WDR27: variants seen among roughly 807,000 people sequenced by gnomAD.
WDR27 encodes WD repeat domain 27.
Under a neutral mutation model 114.4 loss-of-function variants are expected in WDR27, and 100 were observed. The observed-to-expected ratio is 0.87, with a 90% CI of 0.74 to 1.03. WDR27 has a LOEUF of 1.03. WDR27 is among the 50% of genes least tolerant of loss of function. The pLI, the probability that WDR27 is intolerant of heterozygous loss-of-function variation, is 0.00. For synonymous variants in WDR27, 449 were observed against 423.1 expected, an observed-to-expected ratio of 1.06 and a Z score of -0.75; for missense variants, 1,129 against 1,092.9, an observed-to-expected ratio of 1.03 and a Z score of -0.47.
At chr6:169,507,371 T>C (rs1792137088) in intron 25 of WDR27, among the ~76,000 whole-genome samples, 1 of 152,180 alleles carries the variant, frequency 6.6e-6, no homozygotes, top group Admixed American at 6.5e-5. Flanking sequence ...CCACAGTGGT[T>C]CTGGGCACAC....
In WDR27 at chr6:169,684,898, G is replaced by A. The variant is rs1782507966; in HGVS notation, c.189+3919C>T. On this transcript the variant is annotated intron_variant, in intron 2 of 25. Transcript: ENST00000448612. The surrounding 1 kb of genome is among the most constrained non-coding windows in gnomAD (Gnocchi z 4.3). ...TCCTGGCCACAATAACATCCCTGTG[G>A]CCCCAACCCCAGCAAGCCAGACCCC... Among the ~76,000 whole-genome samples, 1 of 152,134 alleles carries A rather than the reference G, an allele frequency of 6.6e-6. No individual in the cohort carries two copies. The highest frequency in any genetic ancestry group is 1.5e-5 in the Non-Finnish European group (1 of 68,028).
intron 25 of WDR27, among the ~76,000 whole-genome samples, chr6:169,503,199 G>C (rs548016417): frequency 6.6e-6 from 1 of 152,318 alleles, no homozygotes; most frequent in South Asian, 2.1e-4. Context: ...CAGGCCTTCA[G>C]AGGACAAGCC....
intron 25 of WDR27, among the ~76,000 whole-genome samples, chr6:169,569,993 C>T (rs1198343978): frequency 6.6e-6 from 1 of 152,184 alleles, no homozygotes; most frequent in African/African-American, 2.4e-5. Context: ...GGACTTAGCC[C>T]TCTTGAGGGC....
chr6:169,667,848 C>T (rs1043529076), intron 5 of WDR27, 134 bp downstream of exon 5: 25 of 837,558 alleles, frequency 3.0e-5, no homozygotes, highest in Middle Eastern at 3.6e-4. Flanking sequence ...GGATAGCGGG[C>T]GCCTTGCAGA....
At chr6:169,435,707 C>A in the WDR27 span, among the ~76,000 whole-genome samples, 2 of 152,216 alleles carry the variant, frequency 1.3e-5, no homozygotes, top group South Asian at 2.1e-4. Flanking sequence ...TTGGAAGTAA[C>A]TAACTTGCTT....
At chr6:169,667,919 G>A (rs1471923134) in intron 5 of WDR27, 63 bp downstream of exon 5, 27 of 1,480,538 alleles carry the variant, frequency 1.8e-5, no homozygotes, top group Non-Finnish European at 2.4e-5. Context: ...CACAGCTCCC[G>A]TCACCACAGT....
intron 25 of WDR27, among the ~76,000 whole-genome samples, chr6:169,489,546 C>T (rs571772473): frequency 6.6e-6 from 1 of 152,042 alleles, no homozygotes; most frequent in Non-Finnish European, 1.5e-5. Context: ...GAAAGAAAGT[C>T]CCATGACATA....
rs141181378 is a variant in WDR27 at position 169,696,499 on chromosome 6, C to T, written c.-8+5052G>A. Among the ~76,000 whole-genome samples, 280 of 152,270 alleles carry T rather than the reference C, an allele frequency of 1.8e-3. 1 individual carries two copies. Among genetic ancestry groups the T allele is most frequent in the African/African-American group, 6.3e-3 (262 of 41,544 alleles). On this transcript the variant is annotated intron_variant, in intron 1 of 25. Coordinates refer to ENST00000448612, the MANE Select transcript of WDR27 (RefSeq NM_182552.5). ...GCCTGCACACATATAAAAAGCTGTC[C>T]GATCAAAACGGGTTTGGTGAAAGGT...
At chr6:169,658,715 G>A (rs1183792096) in intron 12 of WDR27, among the ~76,000 whole-genome samples, 1 of 146,760 alleles carries the variant, frequency 6.8e-6, no homozygotes, top group South Asian at 2.1e-4. Flanking sequence ...ATGGAGTCTC[G>A]CTCTGTCACC....
chr6:169,637,275 C>A (rs1817861090), intron 18 of WDR27, among the ~76,000 whole-genome samples: 1 of 152,198 alleles, frequency 6.6e-6, no homozygotes, highest in African/African-American at 2.4e-5. Flanking sequence ...CACGTAATAG[C>A]CCCTTGGCCA....
At chr6:169,637,824 T>C (rs529791613) in intron 18 of WDR27, among the ~76,000 whole-genome samples, 25 of 150,764 alleles carry the variant, frequency 1.7e-4, no homozygotes, top group African/African-American at 4.4e-4. Context: ...AGTATGTAAG[T>C]GTGCGTATGT....
intron 6 of WDR27, chr6:169,666,667 G>C: frequency 1.0e-6 from 1 of 986,122 alleles, no homozygotes; most frequent in Non-Finnish European, 1.2e-6. Flanking sequence ...CCAACAGAAA[G>C]CCATCTGAGG....
downstream of WDR27, among the ~76,000 whole-genome samples, chr6:169,453,461 G>A (rs1207410179): frequency 6.6e-6 from 1 of 152,032 alleles, no homozygotes; most frequent in East Asian, 1.9e-4. Flanking sequence ...CAAGCCTGCC[G>A]CTCACATGCT....
intron 25 of WDR27, among the ~76,000 whole-genome samples, chr6:169,532,966 A>G (rs1288299889): frequency 6.6e-6 from 1 of 152,184 alleles, no homozygotes; most frequent in African/African-American, 2.4e-5. Context: ...TGGCAAAAAC[A>G]AAAACAAAAA....
At chr6:169,431,966 CT>C in the WDR27 span, among the ~76,000 whole-genome samples, 2 of 152,222 alleles carry the variant, frequency 1.3e-5, no homozygotes, top group African/African-American at 4.8e-5. Context: ...AGCTCAGAGT[CT>C]TTTCTCTTCA....
intron 21 of WDR27, among the ~76,000 whole-genome samples, chr6:169,624,969 G>A (rs1814422139): frequency 1.3e-5 from 2 of 152,216 alleles, no homozygotes; most frequent in South Asian, 4.1e-4. Flanking sequence ...CACCCTCGGG[G>A]CCCGGCCCAT....
chr6:169,473,390 T>C (rs1287892455), intron 25 of WDR27, among the ~76,000 whole-genome samples: 4 of 152,068 alleles, frequency 2.6e-5, no homozygotes, highest in Non-Finnish European at 5.9e-5. Flanking sequence ...TTATGGAAAA[T>C]GGGGCAACAG....
At chr6:169,676,245 C>A (rs1780039184) in intron 2 of WDR27, among the ~76,000 whole-genome samples, 1 of 152,126 alleles carries the variant, frequency 6.6e-6, no homozygotes, top group African/African-American at 2.4e-5. Context: ...ATACTCAGGA[C>A]TAAACTCTGA....
At chr6:169,647,938 C>T (rs1357837307) in intron 15 of WDR27, 68 bp from the exon 16 acceptor site, 4 of 1,205,098 alleles carry the variant, frequency 3.3e-6, no homozygotes, top group Admixed American at 3.0e-5. Flanking sequence ...AAAACATAAG[C>T]AAGAAACGAA....
Sources: gnomAD v4.1 joint callset for allele counts (sites outside exome capture counted in the v4.1 genomes callset) on GRCh38, gnomAD v4.1.1 for gene constraint, Gnocchi (gnomAD v3.1) non-coding constraint, MANE v1.5 for transcripts, NCBI Gene and HGNC (gene_info 2026-07-23, HGNC 2026-07-21) for gene names.